DDX1: variants seen among roughly 807,000 people sequenced by gnomAD.
DDX1 encodes the protein DEAD-box helicase 1.
DDX1 carries 28 observed loss-of-function variants against 108.7 expected under a neutral mutation model. That is an observed-to-expected ratio of 0.26 (90% confidence interval 0.19 to 0.35). DDX1 has a LOEUF of 0.35. Among genes scored for constraint, DDX1 ranks in the 10% least tolerant of loss-of-function variants. DDX1 has a pLI of 1.00. For missense variants in DDX1, 710 were observed against 884.5 expected (o/e 0.80, Z 2.50); for synonymous variants, 295 against 288.9 (o/e 1.02, Z -0.21).
At chr2:15,623,369 T>TTTGTCTG in intron 18 of DDX1, 67 bp from the exon 19 acceptor site, 1 of 1,494,700 alleles carries the variant, frequency 6.7e-7, no homozygotes, top group Non-Finnish European at 9.3e-7. Flanking sequence ...GTGACTATAA[T>TTTGTCTG]TATGTGTATT....
Position 15,613,139 on chromosome 2 carries a change from C to G in DDX1, c.957-85C>G. On this transcript the variant is annotated intron_variant, in intron 13 of 25. Coordinates refer to ENST00000233084, the MANE Select transcript of DDX1 (RefSeq NM_004939.3). The stretch of plus-strand genomic sequence containing the variant: ...TTACTTTCTCAACCTTAATTTCCAC[C>G]TAAAATAAATGGATGCAGATCAAAC... 3 of 909,852 alleles carry G rather than the reference C, an allele frequency of 3.3e-6. No individual in the cohort carries two copies. The South Asian group carries it at 5.9e-5, about 18-fold the overall frequency. The allele number at this position is 909,852 out of a possible 1,614,324, so 56.4% of individuals were successfully genotyped here. A position where few individuals can be genotyped will look rare whatever the true frequency, so the allele number is the denominator to read the frequency against.
chr2:15,620,661 T>TA (rs979992074), intron 17 of DDX1, among the ~76,000 whole-genome samples: 1 of 152,214 alleles, frequency 6.6e-6, no homozygotes, highest in African/African-American at 2.4e-5. Flanking sequence ...TAATTTCAGA[T>TA]ACAATGATTT....
intron 13 of DDX1, among the ~76,000 whole-genome samples, chr2:15,610,121 A>T (rs1427855463): frequency 2.6e-5 from 4 of 152,088 alleles, no homozygotes; most frequent in African/African-American, 9.7e-5. Context: ...TTGTGGAGAC[A>T]TGGTCTTGCT....
Position 15,595,566 on chromosome 2 carries a change from T to G in DDX1, c.132+13T>G. The G allele has an allele frequency of 6.3e-7, 1 of 1,585,024 alleles. No homozygotes were observed. Among genetic ancestry groups the G allele is most frequent in the Non-Finnish European group, 8.7e-7 (1 of 1,153,286 alleles). On this transcript the variant is annotated intron_variant, in intron 3 of 25. Coordinates refer to ENST00000233084, the MANE Select transcript of DDX1 (RefSeq NM_004939.3). ...TGATGTACTTATGGTAAGTTTAAAT[T>G]TGGTGAGGTGATTGGTAGCTGGGGA...
At chr2:15,598,123 A>AT (rs1665530901) in intron 5 of DDX1, among the ~76,000 whole-genome samples, 1 of 152,088 alleles carries the variant, frequency 6.6e-6, no homozygotes, top group African/African-American at 2.4e-5. Context: ...TTTTAATAAT[A>AT]TTTTTTCCAC....
intron 10 of DDX1, among the ~76,000 whole-genome samples, chr2:15,605,098 T>G (rs1227528098): frequency 6.6e-6 from 1 of 152,182 alleles, no homozygotes; most frequent in East Asian, 1.9e-4. Context: ...GATCTAAACT[T>G]TGGTTTTTAT....
rs1341143567 is a variant in DDX1, at chr2:15,604,463, A to G, written c.579A>G (p.Gly193=). 1 of 1,611,038 alleles carries G rather than the reference A, an allele frequency of 6.2e-7. No individual in the cohort carries two copies. Among genetic ancestry groups the G allele is most frequent in the Non-Finnish European group, 8.5e-7 (1 of 1,177,550 alleles). The change falls in exon 10 of 26, where the codon GGA becomes GGG. Residue 193 remains glycine (G), a synonymous_variant. Coordinates refer to ENST00000233084, the MANE Select transcript of DDX1 (RefSeq NM_004939.3). The part of the protein sequence containing the change: ...GEEFTMHDTI[G]CYLDIDKGHV... ...AATTCACTATGCATGATACCATTGG[A>G]TGTTACCTGGATATAGATAAGGGAC...
chr2:15,607,306 A>C lies in DDX1; in HGVS notation c.949A>C (p.Lys317Gln). The C allele has an allele frequency of 6.2e-7, 1 of 1,612,362 alleles. No homozygotes were observed. Among genetic ancestry groups the C allele is most frequent in the Non-Finnish European group, 8.5e-7 (1 of 1,178,972 alleles). The part of the protein sequence containing the change: ...KQFKKYIDNP[K>Q]LRELLIIGGV... ...GTTTAAGAAATACATTGATAATCCT[A>C]AATTAAGGTAAATCTTCCTTTTGTG... The change falls in exon 13 of 26, where the codon AAA (lysine) becomes CAA (glutamine). Residue 317 changes from lysine to glutamine, a missense_variant. Lys to Gln is a moderately conservative substitution (Grantham distance 53). Coordinates refer to ENST00000233084, the MANE Select transcript of DDX1 (RefSeq NM_004939.3).
intron 9 of DDX1, 53 bp downstream of exon 9, chr2:15,603,943 C>G (rs1321772435): frequency 7.0e-6 from 8 of 1,149,466 alleles, no homozygotes; most frequent in Non-Finnish European, 1.0e-5. Context: ...TTCTTGCATA[C>G]TTAATCACTC....
intron 3 of DDX1, 57 bp from the exon 4 acceptor site, chr2:15,596,677 T>G: frequency 6.8e-7 from 1 of 1,477,770 alleles, no homozygotes; most frequent in Non-Finnish European, 9.4e-7. Context: ...TGGTGTTAGT[T>G]TGATTTCTTT....
At chr2:15,612,645 C>A (rs199759489) in intron 13 of DDX1, among the ~76,000 whole-genome samples, 35,314 of 150,766 alleles carry the variant, frequency 0.23, 4,810 homozygotes, top group African/African-American at 0.41. Context: ...CTTTGGGAGG[C>A]CAAGGCAGGC....
At chr2:15,617,421 T>G in intron 15 of DDX1, 79 bp downstream of exon 15, 5 of 745,984 alleles carry the variant, frequency 6.7e-6, no homozygotes, top group Non-Finnish European at 1.1e-5. Flanking sequence ...GAAGAAGAAA[T>G]ATAATTCAGT....
intron 18 of DDX1, among the ~76,000 whole-genome samples, chr2:15,621,643 A>G (rs1666009455): frequency 6.6e-6 from 1 of 151,536 alleles, no homozygotes; most frequent in East Asian, 2.0e-4. Context: ...CCTGGCATCT[A>G]AATCACTTTT....
At chr2:15,613,360 A>G in intron 14 of DDX1, 76 bp downstream of exon 14, 1 of 974,590 alleles carries the variant, frequency 1.0e-6, no homozygotes, top group Admixed American at 2.5e-5. Context: ...TTTTGTTTCA[A>G]GAAAATTTAA....
At position 15,603,823 on chromosome 2, in the gene DDX1, A is replaced by T. The variant is rs1665624348; in HGVS notation, c.485A>T (p.Lys162Met). 3.1e-6 allele frequency: 5 copies of T among 1,608,398 alleles called. No homozygotes were observed. In the Admixed American group the frequency reaches 5.0e-5, roughly 16 times the overall value. ...MQASLDLGTD[K>M]FGFGFGGTGK... is the part of the protein sequence containing the mutation. ...TATTTTTTAAATCTAGGTACTGACA[A>T]GTTTGGATTTGGCTTTGGTGGAACA... The change falls in exon 9 of 26, where the codon AAG (lysine) becomes ATG (methionine). Residue 162 changes from lysine (K) to methionine (M), a missense_variant. Lys to Met is a moderately conservative substitution (Grantham distance 95). Coordinates refer to ENST00000233084, the MANE Select transcript of DDX1 (RefSeq NM_004939.3).
chr2:15,600,039 GAAAT>G lies in DDX1; in HGVS notation c.307+328_307+331del, dbSNP rs565175727. Among the ~76,000 whole-genome samples, 25 of 151,492 alleles carry G rather than the reference GAAAT, an allele frequency of 1.7e-4. No homozygotes were observed. In the East Asian group the frequency reaches 4.5e-3, roughly 27 times the overall value. On this transcript the variant is annotated intron_variant, in intron 6 of 25. Coordinates refer to ENST00000233084, the MANE Select transcript of DDX1 (RefSeq NM_004939.3). ...TGACTTCTATCTCATATCATAATTA[GAAAT>G]AAATTCCATGTGTATTTAGGACTTA...
chr2:15,606,260 C>G lies in DDX1; in HGVS notation c.813C>G (p.His271Gln). ...APDGYIVKSQ[H>Q]SGNAQVTQTK... ...ATGGTTACATTGTCAAATCACAGCA[C>G]TCAGGTATTATACCTGCAAGGGTAA... is the stretch of plus-strand genomic sequence containing the variant. The change falls in exon 12 of 26, where the codon CAC (histidine) becomes CAG (glutamine). Residue 271 changes from histidine to glutamine, a missense_variant. Transcript: ENST00000233084. 6.2e-7 allele frequency: 1 copy of G among 1,608,848 alleles called. No homozygotes were observed. The highest frequency in any genetic ancestry group is 8.5e-7 in the Non-Finnish European group (1 of 1,175,576).
intron 13 of DDX1, among the ~76,000 whole-genome samples, chr2:15,608,671 T>C (rs1259969317): frequency 6.8e-6 from 1 of 146,008 alleles, no homozygotes; most frequent in African/African-American, 2.5e-5. Context: ...AGGTTTTTTT[T>C]TTTTTTTTTT....
At chr2:15,603,020 T>C (rs1210507328) in intron 7 of DDX1, among the ~76,000 whole-genome samples, 172 bp from the exon 8 acceptor site, 1 of 152,234 alleles carries the variant, frequency 6.6e-6, no homozygotes, top group African/African-American at 2.4e-5. Context: ...CCATGAGTTT[T>C]TAAAAATAGC....
Sources: allele counts gnomAD v4.1 joint callset (sites outside exome capture counted in the v4.1 genomes callset), GRCh38; gene constraint gnomAD v4.1.1; transcripts MANE v1.5; gene names NCBI Gene and HGNC (gene_info 2026-07-23, HGNC 2026-07-21).